The following CDH13 variants were observed in gnomAD, a reference collection of about 807,000 sequenced individuals.
CDH13 encodes the protein cadherin-13.
CDH13 carries 24 observed loss-of-function variants against 63.8 expected under a neutral mutation model. The observed-to-expected ratio is 0.38, with a 90% CI of 0.27 to 0.53. The LOEUF (loss-of-function observed/expected upper bound fraction) is 0.53, where lower values mean the gene tolerates loss of function less well. Ranked by LOEUF, CDH13 falls within the 20% of genes least tolerant of loss-of-function variation. The pLI, the probability that CDH13 is intolerant of heterozygous loss-of-function variation, is 0.85. For synonymous variants in CDH13, 503 were observed against 355.3 expected, an observed-to-expected ratio of 1.42 and a Z score of -4.67; for missense variants, 1,049 against 903.1, an observed-to-expected ratio of 1.16 and a Z score of -2.07.
At position 83,402,618 on chromosome 16, in the gene CDH13, A is replaced by G. The variant is rs180971760; in HGVS notation, c.781+57612A>G. Among the ~76,000 whole-genome samples, 553 of 152,300 alleles carry G rather than the reference A, an allele frequency of 3.6e-3. 11 individuals carry two copies. The highest frequency in any genetic ancestry group is 0.032 in the Admixed American group (482 of 15,294). ...GAACCCAGGTAGACTACCATAACTCACTGTTCTCATTGATAAATCGTTGAT... is the reference window on the plus strand; with the variant it reads ...GAACCCAGGTAGACTACCATAACTCGCTGTTCTCATTGATAAATCGTTGAT... On this transcript the variant is annotated intron_variant, in intron 6 of 13. Transcript: ENST00000567109.
rs2036256918 is a variant in CDH13 at position 83,135,825 on chromosome 16, G to A, written c.483+10324G>A. 2.6e-5 allele frequency among the ~76,000 whole-genome samples: 4 copies of A among 152,260 alleles called. No individual in the cohort carries two copies. The South Asian group carries it at 8.3e-4, about 32-fold the overall frequency. ...AAACTGTGACATATGTATATATGAT[G>A]GAATACTACTCAGCCATCCAAAGGA... is the stretch of plus-strand genomic sequence containing the variant. On this transcript the variant is annotated intron_variant, in intron 4 of 13. Coordinates refer to ENST00000567109, the MANE Select transcript of CDH13 (RefSeq NM_001257.5).
At chr16:83,120,306 A>T (rs1327208608) in intron 3 of CDH13, among the ~76,000 whole-genome samples, 1 of 152,200 alleles carries the variant, frequency 6.6e-6, no homozygotes, top group Non-Finnish European at 1.5e-5. Context: ...GTGAGCTGGG[A>T]GGACACCAGA....
chr16:82,819,712 C>A (rs1282931656), intron 1 of CDH13, among the ~76,000 whole-genome samples: 5 of 152,222 alleles, frequency 3.3e-5, no homozygotes, highest in Non-Finnish European at 5.9e-5. Flanking sequence ...CTTTCTCCTC[C>A]TTTCTTCTTC....
At chr16:82,955,713 A>G (rs1386615523) in intron 2 of CDH13, among the ~76,000 whole-genome samples, 2 of 152,232 alleles carry the variant, frequency 1.3e-5, no homozygotes, top group African/African-American at 2.4e-5. Context: ...AAACTGCACT[A>G]GAAGATACAG....
intron 5 of CDH13, among the ~76,000 whole-genome samples, chr16:83,252,488 G>A (rs919775532): frequency 6.6e-6 from 1 of 151,918 alleles, no homozygotes; most frequent in Non-Finnish European, 1.5e-5. Context: ...AACATTTTAG[G>A]AGCACGCCTA....
At chr16:83,695,206 C>CA (rs113981003) in intron 10 of CDH13, among the ~76,000 whole-genome samples, 5 of 151,204 alleles carry the variant, frequency 3.3e-5, no homozygotes, top group Middle Eastern at 3.4e-3. Context: ...GACTCTGTTT[C>CA]AAAAAAAAAT....
At chr16:82,860,090 T>C (rs1421981463) in intron 2 of CDH13, among the ~76,000 whole-genome samples, 1 of 152,166 alleles carries the variant, frequency 6.6e-6, no homozygotes, top group African/African-American at 2.4e-5. Flanking sequence ...GAGAACCATT[T>C]TTCTGGCTCT....
chr16:83,525,021 A>T (rs1598218903), intron 7 of CDH13, among the ~76,000 whole-genome samples: 1 of 152,252 alleles, frequency 6.6e-6, no homozygotes, highest in South Asian at 2.1e-4. Context: ...GGGGACGCTG[A>T]TTCTTTTTCT....
intron 3 of CDH13, among the ~76,000 whole-genome samples, chr16:83,107,462 A>G (rs773574012): frequency 2.0e-5 from 3 of 152,242 alleles, no homozygotes; most frequent in Non-Finnish European, 4.4e-5. Flanking sequence ...TTGACACACT[A>G]TCTTCCAGGT....
chr16:82,877,152 C>G (rs1567622715), intron 2 of CDH13, among the ~76,000 whole-genome samples: 1 of 152,170 alleles, frequency 6.6e-6, no homozygotes, highest in Non-Finnish European at 1.5e-5. Flanking sequence ...GGTATAGCCT[C>G]AAGCAATTTA....
chr16:83,353,654 T>G (rs1304821038), intron 6 of CDH13, among the ~76,000 whole-genome samples: 7 of 152,244 alleles, frequency 4.6e-5, no homozygotes, highest in African/African-American at 1.7e-4. Flanking sequence ...GGAGATCAGC[T>G]CAAGAGATGG....
chr16:83,583,622 A>C (rs1193102687), intron 7 of CDH13, among the ~76,000 whole-genome samples: 1 of 152,222 alleles, frequency 6.6e-6, no homozygotes, highest in Non-Finnish European at 1.5e-5. Flanking sequence ...TGTGGGCATC[A>C]AAGAGTGTGA....
At position 83,458,845 on chromosome 16, in the gene CDH13, A is replaced by G. The variant is rs2073093594; in HGVS notation, c.782-27632A>G. Among the ~76,000 whole-genome samples the G allele has an allele frequency of 2.0e-5, 3 of 152,182 alleles. 1 individual carries two copies. Among genetic ancestry groups the G allele is most frequent in the Admixed American group, 2.0e-4 (3 of 15,280 alleles). The stretch of plus-strand genomic sequence containing the variant: ...CTTTCTCTGACTCAACCCAAGTCTG[A>G]TGAGATTTCAGTTTCACTGCAGCAT... On this transcript the variant is annotated intron_variant, in intron 6 of 13. Coordinates refer to ENST00000567109, the MANE Select transcript of CDH13 (RefSeq NM_001257.5).
At chr16:83,783,195 C>A in intron 12 of CDH13, 59 bp from the exon 13 acceptor site, 1 of 1,182,386 alleles carries the variant, frequency 8.5e-7, no homozygotes, top group South Asian at 1.3e-5. Context: ...ACCAAAACCT[C>A]ACTCTTTTAT....
Position 82,870,087 on chromosome 16 carries a change from T to G in CDH13, c.157+11614T>G, listed in dbSNP as rs565565926. 4.5e-4 allele frequency among the ~76,000 whole-genome samples: 68 copies of G among 152,048 alleles called. 1 individual carries two copies. Among genetic ancestry groups the G allele is most frequent in the African/African-American group, 1.5e-3 (64 of 41,470 alleles). On this transcript the variant is annotated intron_variant, in intron 2 of 13. Coordinates refer to ENST00000567109, the MANE Select transcript of CDH13 (RefSeq NM_001257.5). ...TGAGAACCACCCGTTTAATGAGGGA[T>G]TAATAGCCAGAATATATAAGGAAGT...
chr16:82,815,458 G>C (rs1184410850), intron 1 of CDH13, among the ~76,000 whole-genome samples: 1 of 152,172 alleles, frequency 6.6e-6, no homozygotes, highest in African/African-American at 2.4e-5. Flanking sequence ...ACACGAGCTG[G>C]TAGTGTGTGT....
chr16:82,830,335 A>G (rs1597730128), intron 1 of CDH13, among the ~76,000 whole-genome samples: 1 of 152,194 alleles, frequency 6.6e-6, no homozygotes, highest in South Asian at 2.1e-4. Flanking sequence ...GTTATGACAT[A>G]CCTGGTGTTG....
chr16:83,033,112 G>T (rs779519096), intron 3 of CDH13, among the ~76,000 whole-genome samples: 16 of 151,942 alleles, frequency 1.1e-4, no homozygotes, highest in Non-Finnish European at 2.1e-4. Flanking sequence ...ACATACATAT[G>T]GTATATGTGC....
rs1362892720 is a variant in CDH13 at position 83,631,859 on chromosome 16, G to A, written c.1101+29265G>A. On this transcript the variant is annotated intron_variant, in intron 8 of 13. Coordinates refer to ENST00000567109, the MANE Select transcript of CDH13 (RefSeq NM_001257.5). ...GGCCCTAGGCAGTTTCTTCATCTCT[G>A]CTTGACCAAACCACGCATCAAGGTC... Among the ~76,000 whole-genome samples, 3 of 152,186 alleles carry A rather than the reference G, an allele frequency of 2.0e-5. 1 individual carries two copies. The highest frequency in any genetic ancestry group is 7.2e-5 in the African/African-American group (3 of 41,446).
Sources: allele counts gnomAD v4.1 joint callset (sites outside exome capture counted in the v4.1 genomes callset), GRCh38; gene constraint gnomAD v4.1.1; transcripts MANE v1.5; gene names NCBI Gene and HGNC (gene_info 2026-07-23, HGNC 2026-07-21).